The following ANTXRL variants were observed in gnomAD, a reference collection of about 807,000 sequenced individuals.
ANTXRL encodes the protein anthrax toxin receptor-like.
A neutral mutation model predicts 75.4 loss-of-function variants in ANTXRL; 63 were observed. The ratio of observed to expected loss-of-function variants is 0.84; its 90% confidence interval spans 0.68 to 1.03. The LOEUF (loss-of-function observed/expected upper bound fraction) is 1.03. Among genes scored for constraint, ANTXRL ranks in the 50% least tolerant of loss-of-function variants. ANTXRL has a pLI of 0.00. For synonymous variants in ANTXRL, 335 were observed against 291.3 expected (o/e 1.15, Z -1.53); for missense variants, 797 against 789.4 (o/e 1.01, Z -0.12).
At chr10:46,302,434 C>T (rs1837809132) in intron 9 of ANTXRL, among the ~76,000 whole-genome samples, 1 of 152,184 alleles carries the variant, frequency 6.6e-6, no homozygotes, top group Non-Finnish European at 1.5e-5. Flanking sequence ...CCACTCTGAG[C>T]CTGCCCTGTG....
rs558281625 is a variant in ANTXRL, at chr10:46,313,473, C to T, written c.1410+157C>T. On this transcript the variant is annotated intron_variant, in intron 16 of 16. Transcript: ENST00000620264. Reference sequence around the variant, plus strand: ...AAACGGTGCCCATGGGCATCCCAGCCAGTTTCTGGACATGGCATCAAAGCT... The same window carrying T: ...AAACGGTGCCCATGGGCATCCCAGCTAGTTTCTGGACATGGCATCAAAGCT... Among the ~76,000 whole-genome samples, 200 of 152,270 alleles carry T rather than the reference C, an allele frequency of 1.3e-3. 1 individual carries two copies. The highest frequency in any genetic ancestry group is 4.6e-3 in the African/African-American group (189 of 41,532).
chr10:46,312,074 GA>G lies in ANTXRL; in HGVS notation c.1329+418del, dbSNP rs199728034. 4.2e-5 allele frequency among the ~76,000 whole-genome samples: 6 copies of G among 144,108 alleles called. 1 individual carries two copies. Among genetic ancestry groups the G allele is most frequent in the Non-Finnish European group, 6.2e-5 (4 of 64,726 alleles). The allele number at this position is 144,108 out of a possible 152,430, so 94.5% of individuals were successfully genotyped here. On this transcript the variant is annotated intron_variant, in intron 15 of 16. Transcript: ENST00000620264. ...GAGTCACAAAAGGTCATGCAGATCAGAAAAAAAAATAGAAATGACCAGTCCT... is the reference window on the plus strand; with the variant it reads ...GAGTCACAAAAGGTCATGCAGATCAGAAAAAAAATAGAAATGACCAGTCCT...
At chr10:46,314,249 G>T (rs1482671674) in intron 16 of ANTXRL, among the ~76,000 whole-genome samples, 4 of 152,108 alleles carry the variant, frequency 2.6e-5, no homozygotes, top group African/African-American at 4.8e-5. Context: ...GGCACTGCTG[G>T]TGTCAGAGGC....
intron 13 of ANTXRL, among the ~76,000 whole-genome samples, chr10:46,309,538 T>A (rs1565038701): frequency 1.3e-5 from 2 of 152,146 alleles, no homozygotes; most frequent in Non-Finnish European, 2.9e-5. Context: ...TCTGGAAGCC[T>A]CAGATGGACA....
chr10:46,305,745 A>G (rs1224578652), intron 10 of ANTXRL, among the ~76,000 whole-genome samples: 3 of 152,176 alleles, frequency 2.0e-5, no homozygotes, highest in East Asian at 3.9e-4. Context: ...ACACTCCCAC[A>G]AAAATGAGTA....
intron 15 of ANTXRL, 81 bp downstream of exon 15, chr10:46,311,746 G>C: frequency 1.6e-6 from 1 of 623,838 alleles, no homozygotes; most frequent in Non-Finnish European, 2.8e-6. Context: ...CCACTGTGGA[G>C]ACCTGGGCCC....
chr10:46,306,865 C>G lies in ANTXRL; in HGVS notation c.958C>G (p.Pro320Ala). The G allele has an allele frequency of 6.5e-7, 1 of 1,529,344 alleles. No homozygotes were observed. The highest frequency in any genetic ancestry group is 8.7e-7 in the Non-Finnish European group (1 of 1,143,866). The allele number at this position is 1,529,344 out of a possible 1,614,324, so 94.7% of individuals were successfully genotyped here. Residue 320 changes from proline to alanine, a missense_variant, in exon 11 of 17, where the codon CCT becomes GCT. Physicochemically the swap from Pro to Ala is conservative, Grantham distance 27. Coordinates refer to ENST00000620264, the MANE Select transcript of ANTXRL (RefSeq NM_001278688.3). The part of the protein sequence containing the change: ...MNCPGPKLEK[P>A]GEEYSIEVSL... ...TTGCCCTGGGCCAAAACTAGAAAAA[C>G]CTGGAGAGTAAGTGCCCCTGGCAGG...
intron 16 of ANTXRL, among the ~76,000 whole-genome samples, chr10:46,326,796 A>C (rs2132932828): frequency 6.6e-6 from 1 of 152,140 alleles, no homozygotes; most frequent in Admixed American, 6.5e-5. Context: ...AACCTTCTTG[A>C]GCCCCAAGGA....
At chr10:46,301,127 T>C (rs1837712616) in intron 9 of ANTXRL, among the ~76,000 whole-genome samples, 1 of 152,068 alleles carries the variant, frequency 6.6e-6, no homozygotes, top group Non-Finnish European at 1.5e-5. Flanking sequence ...CTGCTTAGAG[T>C]GGCCAAGTTG....
intron 16 of ANTXRL, among the ~76,000 whole-genome samples, chr10:46,314,135 C>T (rs1838589895): frequency 6.6e-6 from 1 of 152,174 alleles, no homozygotes; most frequent in Non-Finnish European, 1.5e-5. Context: ...TTCTCAGTGG[C>T]CAGGTGGCTG....
At chr10:46,299,052 C>T (rs1837559526) in intron 9 of ANTXRL, among the ~76,000 whole-genome samples, 1 of 151,986 alleles carries the variant, frequency 6.6e-6, no homozygotes, top group South Asian at 2.1e-4. Flanking sequence ...CAGGGAAACA[C>T]CAGCAAATGG....
intron 3 of ANTXRL, among the ~76,000 whole-genome samples, chr10:46,295,351 T>C (rs1300704117): frequency 1.3e-5 from 2 of 152,142 alleles, no homozygotes; most frequent in East Asian, 3.9e-4. Context: ...AGCGTCCTTG[T>C]TAGGGTTAGA....
At chr10:46,326,841 A>T (rs1211537687) in intron 16 of ANTXRL, among the ~76,000 whole-genome samples, 2 of 152,090 alleles carry the variant, frequency 1.3e-5, no homozygotes, top group Non-Finnish European at 2.9e-5. Flanking sequence ...CTCCAGGTGG[A>T]GGTCTGGGCC....
chr10:46,322,310 TAGCC>T (rs1355694929), intron 16 of ANTXRL, among the ~76,000 whole-genome samples: 1 of 151,862 alleles, frequency 6.6e-6, no homozygotes, highest in Non-Finnish European at 1.5e-5. Context: ...TATAAAAAAT[TAGCC>T]AGGTGTGGTG....
intron 9 of ANTXRL, among the ~76,000 whole-genome samples, chr10:46,299,519 G>A (rs1554959925): frequency 6.6e-6 from 1 of 152,090 alleles, no homozygotes; most frequent in Non-Finnish European, 1.5e-5. Context: ...GAGTTGAAGG[G>A]AGCCCTGGGT....
chr10:46,287,461 G>A lies in ANTXRL; in HGVS notation c.199G>A (p.Ala67Thr). The A allele has an allele frequency of 6.5e-7, 1 of 1,535,900 alleles. No individual in the cohort carries two copies. The highest frequency in any genetic ancestry group is 8.7e-7 in the Non-Finnish European group (1 of 1,146,742). The change falls in exon 1 of 17, where the codon GCA becomes ACA. Residue 67 changes from alanine to threonine, a missense_variant. Physicochemically the swap from Ala to Thr is moderately conservative, Grantham distance 58. Around this residue, in one of 3 missense-constraint regions of ANTXRL, gnomAD observed 262 missense variants for 271.9 expected, o/e 0.96. Coordinates refer to ENST00000620264, the MANE Select transcript of ANTXRL (RefSeq NM_001278688.3). The stretch of plus-strand genomic sequence containing the variant: ...GAGGCAGCACTGGCGCCAGGGGCAA[G>A]CAGGTCACAGATGCCAGGGCTCATT... ...GWRQHWRQGQ[A>T]GHRCQGSFDL...
chr10:46,306,961 A>AC, intron 11 of ANTXRL, 89 bp downstream of exon 11: 2 of 1,109,850 alleles, frequency 1.8e-6, no homozygotes, highest in Non-Finnish European at 2.5e-6. Flanking sequence ...GATGCCCCCC[A>AC]CCCCCTGCTG....
In ANTXRL at chr10:46,330,066, C is replaced by G. The variant is rs7091749; in HGVS notation, c.1878C>G (p.Pro626=). 0.19 allele frequency: 287,238 copies of G among 1,518,598 alleles called. 22,577 individuals carry two copies. The highest frequency in any genetic ancestry group is 0.22 in the African/African-American group (15,620 of 72,616). The allele number at this position is 1,518,598 out of a possible 1,614,324, so 94.1% of individuals were successfully genotyped here. ...CAGAACCCCCTTTGTCACTCCCCCC[C>G]TCAGAGCCCAACTTCTAAGGCACCA... The part of the protein sequence containing the change: ...HTAEPPLSLP[P]SEPNF The change falls in exon 17 of 17, where the codon CCC becomes CCG. Residue 626 remains proline (P), a synonymous_variant. Coordinates refer to ENST00000620264, the MANE Select transcript of ANTXRL (RefSeq NM_001278688.3).
intron 2 of ANTXRL, among the ~76,000 whole-genome samples, chr10:46,293,334 G>C (rs1379254149): frequency 1.3e-5 from 2 of 149,524 alleles, no homozygotes; most frequent in African/African-American, 5.0e-5. Flanking sequence ...GTGTGAGTGT[G>C]TGCGTGTGTG....
Sources: gnomAD v4.1 joint callset for allele counts (sites outside exome capture counted in the v4.1 genomes callset) on GRCh38, gnomAD v4.1.1 for gene constraint, gnomAD v4.1.1 regional missense constraint, MANE v1.5 for transcripts, NCBI Gene and HGNC (gene_info 2026-07-23, HGNC 2026-07-21) for gene names.